The following ROBO1 variants were observed in gnomAD, a reference collection of about 807,000 sequenced individuals.
ROBO1 encodes the protein roundabout homolog 1.
A neutral mutation model predicts 195.9 loss-of-function variants in ROBO1; 149 were observed. That is an observed-to-expected ratio of 0.76 (90% CI 0.67 to 0.87). ROBO1 has a LOEUF of 0.87. Ranked by LOEUF, ROBO1 falls within the 40% of genes least tolerant of loss-of-function variation. ROBO1 has a pLI of 0.00. For synonymous variants in ROBO1, 816 were observed against 733.2 expected (o/e 1.11, Z -1.82); for missense variants, 1,933 against 2,068.3 (o/e 0.93, Z 1.27).
At chr3:78,658,193 T>C (rs1032508623) in intron 17 of ROBO1, among the ~76,000 whole-genome samples, 1 of 152,212 alleles carries the variant, frequency 6.6e-6, no homozygotes, top group African/African-American at 2.4e-5. Context: ...CATCAGTGAG[T>C]GATCTTCTGC....
rs2077213983 is a variant in ROBO1, at chr3:78,990,570, C to T, written c.173-51643G>A. Among the ~76,000 whole-genome samples, 3 of 152,052 alleles carry T rather than the reference C, an allele frequency of 2.0e-5. No homozygotes were observed. In the South Asian group the frequency reaches 6.2e-4, roughly 31 times the overall value. ...TATTATTTATAAGTATTGTACTTGGCACAGGAGAAATCATAGACAAAAAAT... is the reference window on the plus strand; with the variant it reads ...TATTATTTATAAGTATTGTACTTGGTACAGGAGAAATCATAGACAAAAAAT... On this transcript the variant is annotated intron_variant, in intron 3 of 30. Transcript: ENST00000464233.
intron 2 of ROBO1, among the ~76,000 whole-genome samples, chr3:79,215,469 C>A (rs1206947729): frequency 2.0e-5 from 3 of 152,126 alleles, no homozygotes; most frequent in Non-Finnish European, 4.4e-5. Flanking sequence ...TCCGACCCAA[C>A]AAACGATTTA....
At chr3:78,987,480 G>C (rs1312057195) in intron 3 of ROBO1, among the ~76,000 whole-genome samples, 2 of 152,206 alleles carry the variant, frequency 1.3e-5, no homozygotes, top group East Asian at 3.9e-4. Context: ...TTCTGAGGGA[G>C]ACTAGCCATC....
At chr3:79,358,828 C>T (rs920808858) in intron 2 of ROBO1, among the ~76,000 whole-genome samples, 2 of 152,028 alleles carry the variant, frequency 1.3e-5, no homozygotes, top group African/African-American at 4.8e-5. Flanking sequence ...TAAAATGACA[C>T]ACTTTCACAC....
chr3:79,228,838 A>G (rs1380985684), intron 2 of ROBO1, among the ~76,000 whole-genome samples: 1 of 152,190 alleles, frequency 6.6e-6, no homozygotes, highest in East Asian at 1.9e-4. Context: ...TGTAGCATAT[A>G]TTAGACTAAT....
intron 2 of ROBO1, among the ~76,000 whole-genome samples, chr3:79,289,138 C>T (rs528144169): frequency 1.3e-5 from 2 of 151,386 alleles, no homozygotes; most frequent in Non-Finnish European, 2.9e-5. Context: ...TGTTCAAGTG[C>T]CTTCATAGTA....
chr3:79,158,595 G>T (rs895302577), intron 2 of ROBO1, among the ~76,000 whole-genome samples: 5 of 151,480 alleles, frequency 3.3e-5, no homozygotes, highest in Non-Finnish European at 7.4e-5. Context: ...TTGTCCACTT[G>T]AAATGTATTT....
intron 4 of ROBO1, among the ~76,000 whole-genome samples, chr3:78,804,576 AT>A (rs1296346971): frequency 6.6e-6 from 1 of 151,978 alleles, no homozygotes; most frequent in Admixed American, 6.6e-5. Flanking sequence ...ATCATCCATC[AT>A]CCCCCACTTC....
intron 1 of ROBO1, among the ~76,000 whole-genome samples, chr3:79,760,497 CAAA>C (rs71631676): frequency 8.7e-6 from 1 of 114,842 alleles, no homozygotes; most frequent in Middle Eastern, 5.1e-3. Flanking sequence ...AATGCAATAC[CAAA>C]AAAAAAAAAA....
intron 30 of ROBO1, chr3:78,599,894 C>G: frequency 1.7e-6 from 1 of 578,974 alleles, no homozygotes; most frequent in Non-Finnish European, 3.1e-6. Context: ...AAGATAAACC[C>G]TAGCTAAACA....
intron 3 of ROBO1, among the ~76,000 whole-genome samples, chr3:79,066,937 G>A (rs1043031128): frequency 6.6e-6 from 1 of 151,840 alleles, no homozygotes; most frequent in Non-Finnish European, 1.5e-5. Context: ...AAAACAGTAA[G>A]CGGTACAGGA....
At chr3:79,186,765 C>G (rs2081447184) in intron 2 of ROBO1, among the ~76,000 whole-genome samples, 1 of 152,072 alleles carries the variant, frequency 6.6e-6, no homozygotes, top group Admixed American at 6.6e-5. Context: ...GAGATGAGAT[C>G]TCTCTCATTC....
At chr3:79,568,281 C>T (rs936797221) in intron 2 of ROBO1, among the ~76,000 whole-genome samples, 3 of 151,810 alleles carry the variant, frequency 2.0e-5, no homozygotes, top group Non-Finnish European at 2.9e-5. Flanking sequence ...AAGTTGAAAC[C>T]GTCTATAGAG....
chr3:78,993,278 C>T (rs1021637471), intron 3 of ROBO1, among the ~76,000 whole-genome samples: 8 of 152,140 alleles, frequency 5.3e-5, no homozygotes, highest in Admixed American at 1.3e-4. Flanking sequence ...CACAAGCACA[C>T]GCATACATAC....
In ROBO1 at chr3:78,670,315, C is replaced by T. The variant is rs1479656472; in HGVS notation, c.1343-14G>A. On this transcript the variant is annotated splice_polypyrimidine_tract_variant and intron_variant, in intron 10 of 30. Transcript: ENST00000464233. ...GATCTGCAATCACTGCCAGAAGAAA[C>T]AACAGGAAATAGATTTCTGCAACTG... 76 of 1,551,306 alleles carry T rather than the reference C, an allele frequency of 4.9e-5. No homozygotes were observed. The highest frequency in any genetic ancestry group is 6.2e-5 in the Non-Finnish European group (71 of 1,146,438).
intron 2 of ROBO1, among the ~76,000 whole-genome samples, chr3:79,403,355 A>C (rs2037433441): frequency 6.6e-6 from 1 of 152,018 alleles, no homozygotes; most frequent in Non-Finnish European, 1.5e-5. Context: ...TCAAAGAAAA[A>C]AAGTGGCTAC....
intron 4 of ROBO1, among the ~76,000 whole-genome samples, chr3:78,768,765 C>G (rs1267431562): frequency 6.6e-6 from 1 of 151,240 alleles, no homozygotes; most frequent in Non-Finnish European, 1.5e-5. Flanking sequence ...CCCACTAACT[C>G]GTCATCTAGC....
chr3:79,326,739 C>A (rs1402393845), intron 2 of ROBO1, among the ~76,000 whole-genome samples: 2 of 152,136 alleles, frequency 1.3e-5, no homozygotes, highest in African/African-American at 2.4e-5. Flanking sequence ...AAAAATTATT[C>A]ATTTGAAATT....
chr3:79,648,602 A>G (rs1184533594), intron 1 of ROBO1, among the ~76,000 whole-genome samples: 1 of 152,118 alleles, frequency 6.6e-6, no homozygotes, highest in Non-Finnish European at 1.5e-5. Context: ...ATGAGAGAAA[A>G]GAAGCTGTTA....
Sources: gnomAD v4.1 joint callset for allele counts (sites outside exome capture counted in the v4.1 genomes callset) on GRCh38, gnomAD v4.1.1 for gene constraint, MANE v1.5 for transcripts, NCBI Gene and HGNC (gene_info 2026-07-23, HGNC 2026-07-21) for gene names.